NWD1: variants seen among roughly 807,000 people sequenced by gnomAD.
NWD1 encodes the protein NACHT domain- and WD repeat-containing protein 1.
Under a neutral mutation model 135.1 loss-of-function variants are expected in NWD1, and 129 were observed. The observed-to-expected ratio is 0.96, with a 90% CI of 0.83 to 1.11. The LOEUF is 1.11. Ranked by LOEUF, NWD1 falls within the 50% of genes least tolerant of loss-of-function variation. The pLI is 0.00. For missense variants in NWD1, 1,740 were observed against 1,851.3 expected, an observed-to-expected ratio of 0.94 and a Z score of 1.10; for synonymous variants, 773 against 786.0, an observed-to-expected ratio of 0.98 and a Z score of 0.28.
At position 16,781,677 on chromosome 19, in the gene NWD1, G is replaced by A. The variant is rs374216329; in HGVS notation, c.2731+2212G>A. Among the ~76,000 whole-genome samples, 10 of 151,952 alleles carry A rather than the reference G, an allele frequency of 6.6e-5. No individual in the cohort carries two copies. The East Asian group carries it at 7.7e-4, about 12-fold the overall frequency. ...GAGATCTTATTACTATTGTTTGAGG[G>A]CAAGGGTTATGTTTTATTCAACATA... On this transcript the variant is annotated intron_variant, in intron 12 of 18. Coordinates refer to ENST00000524140, the MANE Select transcript of NWD1 (RefSeq NM_001007525.5).
Position 16,746,277 on chromosome 19 carries a change from G to A in NWD1, c.496+1559G>A, listed in dbSNP as rs182014786. Among the ~76,000 whole-genome samples, 105 of 151,056 alleles carry A rather than the reference G, an allele frequency of 7.0e-4. 1 individual carries two copies. Among genetic ancestry groups the A allele is most frequent in the African/African-American group, 1.3e-3 (54 of 41,118 alleles). ...CAGGAGAGTGACGTGGGAGGATTGC[G>A]TCAGCCTAGGAGGCGGAGATTGCAG... is the stretch of plus-strand genomic sequence containing the variant. On this transcript the variant is annotated intron_variant, in intron 5 of 18. Transcript: ENST00000524140.
intron 12 of NWD1, among the ~76,000 whole-genome samples, chr19:16,781,551 G>C (rs1372720581): frequency 1.3e-5 from 2 of 151,770 alleles, no homozygotes; most frequent in African/African-American, 4.8e-5. Flanking sequence ...AGGAGATTGG[G>C]GCTACAGTGA....
At chr19:16,732,713 C>T (rs193206073) in intron 3 of NWD1, among the ~76,000 whole-genome samples, 1 of 147,772 alleles carries the variant, frequency 6.8e-6, no homozygotes, top group African/African-American at 2.5e-5. Context: ...CAGCTCACTG[C>T]AACCTTGAGC....
chr19:16,729,779 G>T (rs1967481405), intron 2 of NWD1, among the ~76,000 whole-genome samples: 1 of 151,828 alleles, frequency 6.6e-6, no homozygotes, highest in African/African-American at 2.4e-5. Flanking sequence ...TGAGGCAGGA[G>T]AATCCCTTGA....
chr19:16,794,140 C>T lies in NWD1; in HGVS notation c.3214-323C>T, dbSNP rs577838264. On this transcript the variant is annotated intron_variant, in intron 14 of 18. Coordinates refer to ENST00000524140, the MANE Select transcript of NWD1 (RefSeq NM_001007525.5). ...CAGCACTTTGGGAGGCCAAGGTGGG[C>T]GGATCACCTGAGATCAAGAGTTTGA... Among the ~76,000 whole-genome samples, 19 of 152,048 alleles carry T rather than the reference C, an allele frequency of 1.2e-4. No homozygotes were observed. In the South Asian group the frequency reaches 2.7e-3, roughly 22 times the overall value.
In NWD1 at chr19:16,815,589, T is replaced by C; in HGVS notation, c.*550T>C. On this transcript the variant is annotated 3_prime_UTR_variant, in exon 19 of 19. Coordinates refer to ENST00000524140, the MANE Select transcript of NWD1 (RefSeq NM_001007525.5). ...CTCCAATTTCAATAGAAAAGAGAGC[T>C]TCTCTTTCCCAACAGTCCTAGCCTC... is the stretch of plus-strand genomic sequence containing the variant. 4.6e-6 allele frequency: 2 copies of C among 432,724 alleles called. No individual in the cohort carries two copies. Among genetic ancestry groups the C allele is most frequent in the South Asian group, 5.2e-5 (2 of 38,260 alleles). 26.8% of individuals were successfully genotyped at this position (432,724 alleles called of 1,614,324 possible). A position where few individuals can be genotyped will look rare whatever the true frequency, so the allele number is the denominator to read the frequency against.
intron 4 of NWD1, among the ~76,000 whole-genome samples, chr19:16,742,181 C>A (rs1006776784): frequency 6.6e-6 from 1 of 151,632 alleles, no homozygotes; most frequent in Non-Finnish European, 1.5e-5. Context: ...TCGAGACCAG[C>A]CTGGCCAACA....
At chr19:16,737,566 G>GT (rs534107837) in intron 4 of NWD1, among the ~76,000 whole-genome samples, 8,053 of 139,504 alleles carry the variant, frequency 0.058, 208 homozygotes, top group Middle Eastern at 0.096. Context: ...CTAGTTTTAA[G>GT]TTTTTTTTTT....
At chr19:16,756,576 T>G (rs1329618289) in intron 6 of NWD1, among the ~76,000 whole-genome samples, 1 of 152,234 alleles carries the variant, frequency 6.6e-6, no homozygotes, top group Non-Finnish European at 1.5e-5. Flanking sequence ...TTGCTCTATC[T>G]CTTATTTATC....
chr19:16,775,162 T>C (rs1462605782), intron 11 of NWD1, among the ~76,000 whole-genome samples: 3 of 152,030 alleles, frequency 2.0e-5, no homozygotes, highest in African/African-American at 7.2e-5. Flanking sequence ...AAAATAGAAA[T>C]GCTAAGAGAC....
intron 12 of NWD1, among the ~76,000 whole-genome samples, chr19:16,788,247 T>G (rs1381809930): frequency 7.9e-6 from 1 of 125,788 alleles, no homozygotes; most frequent in Non-Finnish European, 1.6e-5. Context: ...ATAATAATAA[T>G]AATAATAATA....
chr19:16,800,765 C>T (rs1970580854), intron 17 of NWD1, among the ~76,000 whole-genome samples: 1 of 151,996 alleles, frequency 6.6e-6, no homozygotes, highest in African/African-American at 2.4e-5. Flanking sequence ...TCAGGAACGC[C>T]CCACATTCAT....
intron 1 of NWD1, chr19:16,721,686 G>C (rs1024175002): frequency 6.6e-6 from 1 of 152,170 alleles, no homozygotes; most frequent in Non-Finnish European, 1.5e-5. Flanking sequence ...GAGGAGAGGG[G>C]GTCTGACCCG....
chr19:16,811,575 ACT>A (rs1970925291), intron 18 of NWD1, among the ~76,000 whole-genome samples: 1 of 148,718 alleles, frequency 6.7e-6, no homozygotes, highest in South Asian at 2.1e-4. Flanking sequence ...CAAGAGCGAG[ACT>A]CTGTCTCAGA....
intron 17 of NWD1, chr19:16,801,678 T>C (rs1970606092): frequency 1.3e-5 from 2 of 152,270 alleles, no homozygotes; most frequent in Admixed American, 6.6e-5. Flanking sequence ...ATTGTGCCAC[T>C]GCACTCCAGC....
At chr19:16,754,817 T>G (rs907799336) in intron 6 of NWD1, among the ~76,000 whole-genome samples, 12 of 151,158 alleles carry the variant, frequency 7.9e-5, no homozygotes, top group Non-Finnish European at 1.6e-4. Context: ...CATCCATCCA[T>G]CCACACATCA....
chr19:16,736,630 C>G lies in NWD1; in HGVS notation c.82-4C>G. On this transcript the variant is annotated splice_polypyrimidine_tract_variant and splice_region_variant and intron_variant, in intron 3 of 18. Transcript: ENST00000524140. ...TCTGACAAACTTGTGTTTCTATTTC[C>G]CAGGTCGTTGATCTGAGGTGGGGTA... The G allele has an allele frequency of 6.6e-7, 1 of 1,511,846 alleles. No homozygotes were observed. The highest frequency in any genetic ancestry group is 8.9e-7 in the Non-Finnish European group (1 of 1,124,934). 93.7% of individuals were successfully genotyped at this position (1,511,846 alleles called of 1,614,324 possible).
chr19:16,732,529 C>G (rs1967612254), intron 3 of NWD1, among the ~76,000 whole-genome samples: 2 of 148,782 alleles, frequency 1.3e-5, no homozygotes, highest in African/African-American at 5.0e-5. Flanking sequence ...GATGGTGTAC[C>G]TGTTTGGCAC....
At chr19:16,750,915 C>T (rs762835725) in intron 6 of NWD1, among the ~76,000 whole-genome samples, 3 of 152,194 alleles carry the variant, frequency 2.0e-5, no homozygotes, top group African/African-American at 2.4e-5. Flanking sequence ...GTAAAAGTCT[C>T]GGAGCTATAA....
Sources: gnomAD v4.1 joint callset for allele counts (sites outside exome capture counted in the v4.1 genomes callset) on GRCh38, gnomAD v4.1.1 for gene constraint, MANE v1.5 for transcripts, NCBI Gene and HGNC (gene_info 2026-07-23, HGNC 2026-07-21) for gene names.